The following UNC5C variants were observed in gnomAD, a reference collection of about 807,000 sequenced individuals.
UNC5C encodes unc-5 netrin receptor C.
Under a neutral mutation model 99.8 loss-of-function variants are expected in UNC5C, and 47 were observed. The observed-to-expected ratio is 0.47, with a 90% CI of 0.37 to 0.60. The LOEUF is 0.60. Among genes scored for constraint, UNC5C ranks in the 20% least tolerant of loss-of-function variants. UNC5C has a pLI of 0.00. For synonymous variants in UNC5C, 487 were observed against 452.2 expected (o/e 1.08, Z -0.98); for missense variants, 1,062 against 1,165.9 (o/e 0.91, Z 1.30).
intron 1 of UNC5C, among the ~76,000 whole-genome samples, chr4:95,376,228 T>TTA (rs10690152): frequency 0.73 from 110,452 of 151,260 alleles, 41,488 homozygotes; most frequent in East Asian, 0.95. Flanking sequence ...CATATATATC[T>TTA]TATGTGTATG....
chr4:95,371,462 T>C (rs896535217), intron 1 of UNC5C, among the ~76,000 whole-genome samples: 5 of 150,164 alleles, frequency 3.3e-5, no homozygotes, highest in African/African-American at 1.2e-4. Context: ...AGGTTAGAGT[T>C]GGAAAAGATG....
chr4:95,354,479 A>ATATATATATATATATT, intron 1 of UNC5C, among the ~76,000 whole-genome samples: 10 of 110,348 alleles, frequency 9.1e-5, no homozygotes, highest in African/African-American at 1.6e-4. Flanking sequence ...ATATATATAT[A>ATATATATATATATATT]TTTTTTTTTT....
intron 1 of UNC5C, among the ~76,000 whole-genome samples, chr4:95,444,436 A>G (rs1401704694): frequency 2.0e-5 from 3 of 149,704 alleles, no homozygotes; most frequent in Admixed American, 1.3e-4. Context: ...GCTTCACGCC[A>G]TTCTCCTGCC....
intron 1 of UNC5C, among the ~76,000 whole-genome samples, chr4:95,349,829 T>C (rs1009665430): frequency 5.3e-5 from 8 of 152,104 alleles, no homozygotes; most frequent in African/African-American, 1.9e-4. Flanking sequence ...TGCCCTAACG[T>C]CCTCATGTCT....
intron 1 of UNC5C, among the ~76,000 whole-genome samples, chr4:95,381,839 C>T (rs6824501): frequency 0.57 from 87,246 of 151,928 alleles, 25,438 homozygotes; most frequent in East Asian, 0.71. Context: ...CAGCGGAGGA[C>T]TTTCATATTG....
chr4:95,429,411 G>A (rs1405020329), intron 1 of UNC5C, among the ~76,000 whole-genome samples: 1 of 151,940 alleles, frequency 6.6e-6, no homozygotes, highest in Non-Finnish European at 1.5e-5. Flanking sequence ...GCTGTTTACA[G>A]TGGTAGTTGT....
At chr4:95,298,211 C>T (rs1741733578) in intron 3 of UNC5C, among the ~76,000 whole-genome samples, 1 of 152,126 alleles carries the variant, frequency 6.6e-6, no homozygotes. Context: ...ACCTGGGAGG[C>T]TGGGGTGGTA....
chr4:95,285,399 A>G (rs1741197053), intron 3 of UNC5C, among the ~76,000 whole-genome samples: 2 of 152,176 alleles, frequency 1.3e-5, no homozygotes, highest in Admixed American at 6.5e-5. Flanking sequence ...TTTAGACTTC[A>G]TCAGGTTTTG....
At chr4:95,397,621 A>G (rs552640476) in intron 1 of UNC5C, among the ~76,000 whole-genome samples, 2 of 152,364 alleles carry the variant, frequency 1.3e-5, no homozygotes, top group South Asian at 2.1e-4. Flanking sequence ...AGAAACTTAC[A>G]TAACTCTTTT....
chr4:95,189,749 A>G (rs1243396757), intron 12 of UNC5C, among the ~76,000 whole-genome samples: 3 of 152,232 alleles, frequency 2.0e-5, no homozygotes, highest in Admixed American at 2.0e-4. Flanking sequence ...AATGCTCACC[A>G]TCACTGGCCA....
intron 1 of UNC5C, among the ~76,000 whole-genome samples, chr4:95,340,783 C>G (rs1226485898): frequency 6.6e-6 from 1 of 152,084 alleles, no homozygotes. Flanking sequence ...TTTCTGCCCG[C>G]TTAAGCCTTC....
chr4:95,237,996 C>T (rs1219649114), intron 7 of UNC5C, among the ~76,000 whole-genome samples: 1 of 152,060 alleles, frequency 6.6e-6, no homozygotes, highest in African/African-American at 2.4e-5. Context: ...GAGCCGAGTG[C>T]AACTGCACTC....
intron 1 of UNC5C, among the ~76,000 whole-genome samples, chr4:95,378,038 G>A (rs1744947362): frequency 6.6e-6 from 1 of 152,070 alleles, no homozygotes; most frequent in Non-Finnish European, 1.5e-5. Context: ...TTAGATGGAA[G>A]CTCACATTAT....
intron 1 of UNC5C, among the ~76,000 whole-genome samples, chr4:95,401,569 T>A (rs533886585): frequency 6.6e-6 from 1 of 152,292 alleles, no homozygotes; most frequent in Non-Finnish European, 1.5e-5. Context: ...TCTCCCAACG[T>A]GCTGGCATTA....
chr4:95,195,721 C>T (rs1483890778), intron 12 of UNC5C, among the ~76,000 whole-genome samples: 1 of 152,164 alleles, frequency 6.6e-6, no homozygotes, highest in East Asian at 1.9e-4. Flanking sequence ...GTGAGCATCA[C>T]ACAATTCTCA....
intron 3 of UNC5C, among the ~76,000 whole-genome samples, chr4:95,280,168 C>A (rs1407931751): frequency 6.6e-6 from 1 of 151,946 alleles, no homozygotes; most frequent in Admixed American, 6.6e-5. Flanking sequence ...TAGAGCTCTA[C>A]CAGAAAGCAC....
intron 11 of UNC5C, among the ~76,000 whole-genome samples, chr4:95,205,273 ATAATT>A (rs1401580947): frequency 6.6e-6 from 1 of 152,350 alleles, no homozygotes; most frequent in East Asian, 1.9e-4. Flanking sequence ...AATCATGCGA[ATAATT>A]TAGGATCACT....
chr4:95,497,326 C>A (rs1404476000), intron 1 of UNC5C, among the ~76,000 whole-genome samples: 3 of 151,912 alleles, frequency 2.0e-5, no homozygotes, highest in Non-Finnish European at 4.4e-5. Flanking sequence ...CCACAGCTTG[C>A]ACTTACTTTA....
At chr4:95,536,390 T>A (rs114104850) in intron 1 of UNC5C, among the ~76,000 whole-genome samples, 4,780 of 152,308 alleles carry the variant, frequency 0.031, 111 homozygotes, top group Middle Eastern at 0.078. Flanking sequence ...AATATATTTT[T>A]TTTTAGTGTC....
Sources: allele counts gnomAD v4.1 joint callset (sites outside exome capture counted in the v4.1 genomes callset), GRCh38; gene constraint gnomAD v4.1.1; transcripts MANE v1.5; gene names NCBI Gene and HGNC (gene_info 2026-07-23, HGNC 2026-07-21).